MAP4K3: variants seen among roughly 807,000 people sequenced by gnomAD.
The protein encoded by MAP4K3 is MAPK/ERK kinase kinase kinase 3.
A neutral mutation model predicts 143.5 loss-of-function variants in MAP4K3; 94 were observed. The ratio of observed to expected loss-of-function variants is 0.65; its 90% CI spans 0.55 to 0.78. The LOEUF is 0.78. MAP4K3 is among the 30% of genes least tolerant of loss of function. The probability of loss-of-function intolerance (pLI) is 0.00; values close to 1 mark genes in which losing one functional copy is unlikely to be tolerated. For missense variants in MAP4K3, 1,077 were observed against 1,068.1 expected (o/e 1.01, Z -0.12); for synonymous variants, 416 against 347.2 (o/e 1.20, Z -2.20).
chr2:39,420,035 C>G (rs1667503157), intron 1 of MAP4K3, among the ~76,000 whole-genome samples: 1 of 152,178 alleles, frequency 6.6e-6, no homozygotes, highest in Non-Finnish European at 1.5e-5. Flanking sequence ...ACTGTGTCAC[C>G]TCCTGAGAAT....
At chr2:39,404,230 T>C (rs1667030641) in intron 1 of MAP4K3, among the ~76,000 whole-genome samples, 1 of 152,148 alleles carries the variant, frequency 6.6e-6, no homozygotes, top group South Asian at 2.1e-4. Context: ...TCTTTCACCT[T>C]AGGTACCAGC....
intron 1 of MAP4K3, among the ~76,000 whole-genome samples, chr2:39,422,993 C>A (rs1664927352): frequency 6.6e-6 from 1 of 151,986 alleles, no homozygotes; most frequent in Non-Finnish European, 1.5e-5. Context: ...AAAAGACAAG[C>A]CACACACTGG....
intron 33 of MAP4K3, among the ~76,000 whole-genome samples, chr2:39,250,952 T>C (rs1680132797): frequency 1.3e-5 from 2 of 152,196 alleles, no homozygotes. Flanking sequence ...GAGAAACCTA[T>C]ATTAGAAATT....
chr2:39,324,052 T>C (rs1683407240), intron 12 of MAP4K3, among the ~76,000 whole-genome samples: 1 of 152,162 alleles, frequency 6.6e-6, no homozygotes, highest in East Asian at 1.9e-4. Context: ...GTATACTAAA[T>C]AAGACTAGAA....
At chr2:39,312,953 G>C (rs1010688466) in intron 13 of MAP4K3, among the ~76,000 whole-genome samples, 5 of 152,184 alleles carry the variant, frequency 3.3e-5, no homozygotes, top group Admixed American at 6.5e-5. Flanking sequence ...TGAGTGCAAG[G>C]ATGCTGTCTT....
At position 39,389,684 on chromosome 2, in the gene MAP4K3, T is replaced by C. The variant is rs115753199; in HGVS notation, c.97-11561A>G. Among the ~76,000 whole-genome samples, 1,383 of 152,248 alleles carry C rather than the reference T, an allele frequency of 9.1e-3. 18 individuals are homozygous for C. The highest frequency in any genetic ancestry group is 0.03 in the African/African-American group (1,260 of 41,536). ...AATTATATTCTCAGGTAAAACATTA[T>C]TCAATAAAATAGGGCAAAATAAAGA... On this transcript the variant is annotated intron_variant, in intron 1 of 33. Coordinates refer to ENST00000263881, the MANE Select transcript of MAP4K3 (RefSeq NM_003618.4).
intron 2 of MAP4K3, among the ~76,000 whole-genome samples, chr2:39,359,830 T>G (rs532210695): frequency 6.6e-6 from 1 of 152,300 alleles, no homozygotes; most frequent in East Asian, 1.9e-4. Flanking sequence ...GCGGCTAGGA[T>G]GCAGAGCACC....
intron 1 of MAP4K3, among the ~76,000 whole-genome samples, chr2:39,395,850 C>T: frequency 6.6e-6 from 1 of 151,998 alleles, no homozygotes; most frequent in East Asian, 1.9e-4. Flanking sequence ...ATTTCAATTA[C>T]TCTTCAAAAT....
chr2:39,294,526 G>C (rs1224289194), intron 16 of MAP4K3, among the ~76,000 whole-genome samples: 2 of 152,212 alleles, frequency 1.3e-5, no homozygotes, highest in Non-Finnish European at 2.9e-5. Context: ...AGAGGCACTA[G>C]AGCAAAATGC....
chr2:39,388,366 T>C (rs1666567195), intron 1 of MAP4K3, among the ~76,000 whole-genome samples: 1 of 152,206 alleles, frequency 6.6e-6, no homozygotes, highest in Non-Finnish European at 1.5e-5. Context: ...CTCTTTTACG[T>C]GCACTGAACT....
chr2:39,296,423 G>A lies in MAP4K3; in HGVS notation c.1179-3155C>T, dbSNP rs750319266. 1.6e-3 allele frequency among the ~76,000 whole-genome samples: 237 copies of A among 152,114 alleles called. 1 individual carries two copies. The highest frequency in any genetic ancestry group is 3.0e-3 in the Non-Finnish European group (201 of 68,020). ...TAGTCCACTTGAATTCTTCTCTTAT[G>A]GAAGTTTTATAAAGTAAATAACAAA... On this transcript the variant is annotated intron_variant, in intron 16 of 33. Transcript: ENST00000263881.
chr2:39,392,483 A>G (rs1214128393), intron 1 of MAP4K3, among the ~76,000 whole-genome samples: 1 of 152,184 alleles, frequency 6.6e-6, no homozygotes, highest in Non-Finnish European at 1.5e-5. Context: ...CCCTATACTA[A>G]ATCATATTTT....
intron 24 of MAP4K3, among the ~76,000 whole-genome samples, chr2:39,274,968 T>C (rs1350263863): frequency 6.6e-6 from 1 of 152,196 alleles, no homozygotes; most frequent in African/African-American, 2.4e-5. Context: ...CTATAAAGTC[T>C]AGAGAAAATC....
intron 22 of MAP4K3, among the ~76,000 whole-genome samples, chr2:39,281,662 C>T (rs1681533227): frequency 6.6e-6 from 1 of 152,142 alleles, no homozygotes; most frequent in South Asian, 2.1e-4. Context: ...TGTCAAACTG[C>T]AAGCCTGAGG....
intron 1 of MAP4K3, among the ~76,000 whole-genome samples, chr2:39,414,671 C>G (rs751129976): frequency 6.6e-6 from 1 of 152,056 alleles, no homozygotes; most frequent in African/African-American, 2.4e-5. Context: ...ATCAGGAGAT[C>G]GAGACCATCC....
intron 1 of MAP4K3, among the ~76,000 whole-genome samples, chr2:39,383,611 C>T (rs955329360): frequency 2.6e-5 from 4 of 151,704 alleles, no homozygotes; most frequent in South Asian, 2.1e-4. Context: ...CCTATTGTAC[C>T]GGTAGAATTA....
intron 12 of MAP4K3, among the ~76,000 whole-genome samples, chr2:39,324,445 GTATAAT>G (rs1181115231): frequency 1.3e-5 from 2 of 151,880 alleles, no homozygotes; most frequent in Non-Finnish European, 2.9e-5. Flanking sequence ...CTTCTTCAGA[GTATAAT>G]TATAAGATTA....
chr2:39,365,488 A>C (rs1665897136), intron 2 of MAP4K3, among the ~76,000 whole-genome samples: 1 of 127,008 alleles, frequency 7.9e-6, no homozygotes, highest in Admixed American at 1.0e-4. Flanking sequence ...CCCAGGCCGG[A>C]CTGCGGACTG....
intron 1 of MAP4K3, among the ~76,000 whole-genome samples, chr2:39,433,116 C>A (rs891511917): frequency 1.3e-5 from 2 of 152,164 alleles, no homozygotes; most frequent in African/African-American, 2.4e-5. Context: ...TCCTGAAGCA[C>A]CCCAACCACA....
Sources: gnomAD v4.1 joint callset for allele counts (sites outside exome capture counted in the v4.1 genomes callset) on GRCh38, gnomAD v4.1.1 for gene constraint, MANE v1.5 for transcripts, NCBI Gene and HGNC (gene_info 2026-07-23, HGNC 2026-07-21) for gene names.